Variants in CACNB2 observed in about 807,000 individuals in gnomAD.
The protein encoded by CACNB2 is calcium voltage-gated channel auxiliary subunit beta 2, also known as voltage-dependent L-type calcium channel subunit beta-2.
In CACNB2, 42 loss-of-function variants were observed where a neutral mutation model predicts 73.3. The ratio of observed to expected loss-of-function variants is 0.57; its 90% CI spans 0.45 to 0.74. CACNB2 has a LOEUF of 0.74. Among genes scored for constraint, CACNB2 ranks in the 30% least tolerant of loss-of-function variants. The pLI, the probability that CACNB2 is intolerant of heterozygous loss-of-function variation, is 0.00. For synonymous variants in CACNB2, 348 were observed against 310.3 expected, an observed-to-expected ratio of 1.12 and a Z score of -1.28; for missense variants, 940 against 853.0, an observed-to-expected ratio of 1.10 and a Z score of -1.27.
At chr10:18,186,906 C>T (rs905692042) in intron 2 of CACNB2, among the ~76,000 whole-genome samples, 7 of 152,206 alleles carry the variant, frequency 4.6e-5, no homozygotes, top group African/African-American at 1.4e-4. Context: ...ACAACTGTCA[C>T]TATGTAGCGC....
At chr10:18,450,480 G>T (rs2046963655) in intron 3 of CACNB2, among the ~76,000 whole-genome samples, 1 of 152,250 alleles carries the variant, frequency 6.6e-6, no homozygotes, top group East Asian at 1.9e-4. Context: ...GGTTGCAGTT[G>T]AAGGCAGAGA....
At chr10:18,514,402 C>T in intron 7 of CACNB2, 33 bp downstream of exon 7, 1 of 1,614,028 alleles carries the variant, frequency 6.2e-7, no homozygotes, top group Non-Finnish European at 8.5e-7. Context: ...CATTGTCCAC[C>T]TGCTCAACTG....
At chr10:18,222,868 C>T (rs779350019) in intron 2 of CACNB2, among the ~76,000 whole-genome samples, 19 of 152,102 alleles carry the variant, frequency 1.2e-4, no homozygotes, top group African/African-American at 3.6e-4. Flanking sequence ...ACCCAGGAGG[C>T]GGAGGTTGCA....
At chr10:18,186,105 A>C (rs1037626913) in intron 2 of CACNB2, among the ~76,000 whole-genome samples, 1 of 152,170 alleles carries the variant, frequency 6.6e-6, no homozygotes, top group Non-Finnish European at 1.5e-5. Context: ...TCTTTATTAG[A>C]CCATTCTCAC....
At chr10:18,399,778 C>T (rs2043898286) in intron 2 of CACNB2, among the ~76,000 whole-genome samples, 1 of 151,958 alleles carries the variant, frequency 6.6e-6, no homozygotes, top group African/African-American at 2.4e-5. Context: ...GTTTAGACTA[C>T]AATGAGAGCA....
intron 2 of CACNB2, among the ~76,000 whole-genome samples, chr10:18,177,621 C>G (rs189288222): frequency 4.6e-5 from 7 of 151,584 alleles, no homozygotes; most frequent in Non-Finnish European, 1.0e-4. Context: ...AAAGAGCAAG[C>G]ATTTGGGGAA....
chr10:18,261,046 C>T, intron 2 of CACNB2: 1 of 1,396,834 alleles, frequency 7.2e-7, no homozygotes, highest in Non-Finnish European at 9.3e-7. Flanking sequence ...AAATTACGCC[C>T]CCCACCCCCA....
intron 3 of CACNB2, among the ~76,000 whole-genome samples, chr10:18,452,592 G>A (rs1400257785): frequency 6.6e-6 from 1 of 152,120 alleles, no homozygotes; most frequent in Non-Finnish European, 1.5e-5. Context: ...TAGCCAGGCT[G>A]GAGTGCAGTA....
chr10:18,348,959 T>C lies in CACNB2; in HGVS notation c.214-52965T>C, dbSNP rs186146119. On this transcript the variant is annotated intron_variant, in intron 2 of 13. Coordinates refer to ENST00000324631, the MANE Select transcript of CACNB2 (RefSeq NM_201596.3). Reference sequence around the variant, plus strand: ...CATAGGGAGACCCTGTCTCTACAAATATATTTTAAAAATCAGCCACATGTG... The same window carrying C: ...CATAGGGAGACCCTGTCTCTACAAACATATTTTAAAAATCAGCCACATGTG... 1.9e-3 allele frequency among the ~76,000 whole-genome samples: 285 copies of C among 152,206 alleles called. 2 individuals are homozygous for C. Among genetic ancestry groups the C allele is most frequent in the African/African-American group, 6.1e-3 (253 of 41,538 alleles).
At chr10:18,181,926 G>A (rs934091233) in intron 2 of CACNB2, 9 of 151,954 alleles carry the variant, frequency 5.9e-5, no homozygotes, top group Non-Finnish European at 8.8e-5. Context: ...CCGGCCTTGA[G>A]GTCAACTTTA....
At position 18,140,489 on chromosome 10, in the gene CACNB2, C is replaced by T. The variant is rs970870745; in HGVS notation, c.-248C>T. Among the ~76,000 whole-genome samples the T allele has an allele frequency of 6.6e-6, 1 of 151,696 alleles. No homozygotes were observed. Among genetic ancestry groups the T allele is most frequent in the Middle Eastern group, 3.2e-3 (1 of 312 alleles). On this transcript the variant is annotated 5_prime_UTR_variant, in exon 1 of 14. Coordinates refer to ENST00000324631, the MANE Select transcript of CACNB2 (RefSeq NM_201596.3). Reference sequence around the variant, plus strand: ...GAGGGCTCCCCTCTCCCAGGCACCGCAGCCGCGCCCCCGCGTCCCGCCTCC... The same window carrying T: ...GAGGGCTCCCCTCTCCCAGGCACCGTAGCCGCGCCCCCGCGTCCCGCCTCC...
intron 2 of CACNB2, among the ~76,000 whole-genome samples, chr10:18,315,134 C>T (rs747774440): frequency 7.2e-5 from 11 of 152,070 alleles, no homozygotes; most frequent in Non-Finnish European, 1.2e-4. Flanking sequence ...GAGTTCGAGA[C>T]CAGCCTGGCC....
At chr10:18,149,362 C>A (rs773971203) in intron 1 of CACNB2, among the ~76,000 whole-genome samples, 1 of 152,064 alleles carries the variant, frequency 6.6e-6, no homozygotes, top group African/African-American at 2.4e-5. Flanking sequence ...AGCTGTTAAC[C>A]GAGGACAACC....
intron 3 of CACNB2, among the ~76,000 whole-genome samples, chr10:18,407,418 G>A (rs182395790): frequency 5.3e-5 from 8 of 151,864 alleles, no homozygotes; most frequent in African/African-American, 1.4e-4. Flanking sequence ...CACCATGCCC[G>A]GCCTGTTCTG....
intron 3 of CACNB2, among the ~76,000 whole-genome samples, chr10:18,413,473 CTG>C (rs1196484874): frequency 6.6e-6 from 1 of 152,222 alleles, no homozygotes; most frequent in Non-Finnish European, 1.5e-5. Context: ...TTTTGGATCT[CTG>C]TCGGTTCTGC....
At chr10:18,355,931 C>T (rs914011563) in intron 2 of CACNB2, among the ~76,000 whole-genome samples, 6 of 152,164 alleles carry the variant, frequency 3.9e-5, no homozygotes, top group Middle Eastern at 3.4e-3. Context: ...CCACCATGCC[C>T]GGCCTCTGAT....
chr10:18,294,441 C>G (rs1328880810), intron 2 of CACNB2, among the ~76,000 whole-genome samples: 2 of 152,090 alleles, frequency 1.3e-5, no homozygotes, highest in Non-Finnish European at 2.9e-5. Context: ...CTCTAGGTAC[C>G]GAGGACGCAG....
chr10:18,479,395 G>T (rs1400811213), intron 3 of CACNB2, among the ~76,000 whole-genome samples: 1 of 152,028 alleles, frequency 6.6e-6, no homozygotes, highest in South Asian at 2.1e-4. Flanking sequence ...AAAAATTCTA[G>T]TTAGATGACT....
At chr10:18,258,781 G>A (rs2037397010) in intron 2 of CACNB2, among the ~76,000 whole-genome samples, 1 of 151,982 alleles carries the variant, frequency 6.6e-6, no homozygotes, top group South Asian at 2.1e-4. Context: ...TTTGAATTAT[G>A]TGTTCTTTTA....
Sources: gnomAD v4.1 joint callset for allele counts (sites outside exome capture counted in the v4.1 genomes callset) on GRCh38, gnomAD v4.1.1 for gene constraint, MANE v1.5 for transcripts, NCBI Gene and HGNC (gene_info 2026-07-23, HGNC 2026-07-21) for gene names.